EYS: variants seen among roughly 807,000 people sequenced by gnomAD.
The protein encoded by EYS is EGF-like photoreceptor maintenance factor.
A neutral mutation model predicts 282.1 loss-of-function variants in EYS; 250 were observed. The ratio of observed to expected loss-of-function variants is 0.89; its 90% CI spans 0.80 to 0.98. The LOEUF is 0.98. EYS is among the 50% of genes least tolerant of loss of function. The pLI, the probability that EYS is intolerant of heterozygous loss-of-function variation, is 0.00. For synonymous variants in EYS, 1,355 were observed against 1,282.9 expected (o/e 1.06, Z -1.20); for missense variants, 4,016 against 3,709.0 (o/e 1.08, Z -2.15).
intron 7 of EYS, among the ~76,000 whole-genome samples, chr6:65,392,841 T>C (rs1481797740): frequency 1.3e-5 from 2 of 151,740 alleles, no homozygotes; most frequent in Non-Finnish European, 2.9e-5. Flanking sequence ...CAAAGGAATA[T>C]AAATCATGCT....
chr6:64,808,631 T>C (rs1264421565), intron 22 of EYS, among the ~76,000 whole-genome samples: 1 of 152,046 alleles, frequency 6.6e-6, no homozygotes, highest in Admixed American at 6.6e-5. Context: ...TTGGTAATTT[T>C]TTTTTTCTTT....
intron 19 of EYS, among the ~76,000 whole-genome samples, chr6:64,823,434 A>G (rs972241007): frequency 6.6e-6 from 1 of 151,970 alleles, no homozygotes; most frequent in African/African-American, 2.4e-5. Context: ...ACAGATAGAA[A>G]ACACCGAGAT....
intron 12 of EYS, among the ~76,000 whole-genome samples, chr6:65,247,166 T>C (rs541773864): frequency 6.6e-6 from 1 of 152,204 alleles, no homozygotes; most frequent in African/African-American, 2.4e-5. Flanking sequence ...CGGTCCATGA[T>C]AATCATCTTT....
At chr6:65,546,706 G>A (rs894010918) in intron 2 of EYS, among the ~76,000 whole-genome samples, 9 of 151,860 alleles carry the variant, frequency 5.9e-5, no homozygotes, top group Admixed American at 5.3e-4. Flanking sequence ...TGAGTAACTG[G>A]GATTACAGGC....
chr6:64,039,416 G>A (rs562100980), intron 33 of EYS, among the ~76,000 whole-genome samples: 7 of 152,182 alleles, frequency 4.6e-5, no homozygotes, highest in African/African-American at 1.4e-4. Flanking sequence ...TATTAGAAGC[G>A]GTATAGTACG....
At chr6:65,086,970 G>A (rs1435678811) in intron 12 of EYS, among the ~76,000 whole-genome samples, 1 of 151,736 alleles carries the variant, frequency 6.6e-6, no homozygotes, top group African/African-American at 2.4e-5. Context: ...CTACAGGTGC[G>A]TCCCACAACA....
At chr6:64,357,638 C>A (rs188581777) in intron 29 of EYS, among the ~76,000 whole-genome samples, 32 of 151,606 alleles carry the variant, frequency 2.1e-4, no homozygotes, top group Admixed American at 1.7e-3. Context: ...TGTTCTGATT[C>A]TAGTTATGTA....
At chr6:64,756,454 C>G (rs1323424667) in intron 22 of EYS, among the ~76,000 whole-genome samples, 1 of 152,062 alleles carries the variant, frequency 6.6e-6, no homozygotes, top group African/African-American at 2.4e-5. Flanking sequence ...AGCCATAATG[C>G]CTTATAGCCT....
chr6:64,970,659 T>C (rs185027320), intron 14 of EYS, among the ~76,000 whole-genome samples: 1 of 152,346 alleles, frequency 6.6e-6, no homozygotes, highest in Non-Finnish European at 1.5e-5. Context: ...AAAGTTCTTA[T>C]AGATTTTTCT....
rs568966190 is a variant in EYS at position 64,013,351 on chromosome 6, A to G, written c.6726-14168T>C. On this transcript the variant is annotated intron_variant, in intron 33 of 42. Transcript: ENST00000503581. ...AGCGCCTCTAAATGTGTAAATGCCC[A>G]GAATTCTCTTGTTTTCTTTAGCCGG... Among the ~76,000 whole-genome samples the G allele has an allele frequency of 2.0e-5, 3 of 152,314 alleles. No homozygotes were observed. In the East Asian group the frequency reaches 5.8e-4, roughly 29 times the overall value.
chr6:64,773,877 G>C (rs1460061727), intron 22 of EYS, among the ~76,000 whole-genome samples: 1 of 151,760 alleles, frequency 6.6e-6, no homozygotes, highest in Non-Finnish European at 1.5e-5. Context: ...CCATTCTGTA[G>C]GTTGTCTGTT....
chr6:64,446,304 C>G (rs929166827), intron 26 of EYS, among the ~76,000 whole-genome samples: 1 of 152,092 alleles, frequency 6.6e-6, no homozygotes, highest in African/African-American at 2.4e-5. Context: ...AATCAGGAAT[C>G]AATGAACCTT....
chr6:65,068,880 C>T (rs946097936), intron 12 of EYS, among the ~76,000 whole-genome samples: 2 of 151,964 alleles, frequency 1.3e-5, no homozygotes, highest in African/African-American at 4.8e-5. Context: ...ATTTATAAAC[C>T]TTTCTTAGAT....
At chr6:63,830,487 G>A (rs1771598990) in intron 36 of EYS, among the ~76,000 whole-genome samples, 1 of 152,084 alleles carries the variant, frequency 6.6e-6, no homozygotes, top group Non-Finnish European at 1.5e-5. Flanking sequence ...AAGATCAAAT[G>A]AATGAAATGA....
At chr6:65,413,949 T>C (rs1767128357) in intron 5 of EYS, among the ~76,000 whole-genome samples, 1 of 152,144 alleles carries the variant, frequency 6.6e-6, no homozygotes, top group South Asian at 2.1e-4. Context: ...ATATATTATA[T>C]AAGGATTTGT....
intron 33 of EYS, among the ~76,000 whole-genome samples, chr6:64,048,775 T>C (rs969542497): frequency 6.6e-6 from 1 of 152,242 alleles, no homozygotes; most frequent in African/African-American, 2.4e-5. Context: ...ATACTAAATA[T>C]TATCAACTTC....
At chr6:65,390,393 A>G (rs1255550924) in intron 7 of EYS, among the ~76,000 whole-genome samples, 1 of 151,424 alleles carries the variant, frequency 6.6e-6, no homozygotes, top group African/African-American at 2.4e-5. Flanking sequence ...AGAGAGAGAG[A>G]GAGGATACAG....
At chr6:64,038,996 G>A (rs1278506986) in intron 33 of EYS, among the ~76,000 whole-genome samples, 5 of 152,056 alleles carry the variant, frequency 3.3e-5, no homozygotes, top group Non-Finnish European at 5.9e-5. Flanking sequence ...TTGGAGACAG[G>A]GTTTCGCCAC....
At chr6:65,231,070 T>C (rs1176986070) in intron 12 of EYS, among the ~76,000 whole-genome samples, 1 of 141,756 alleles carries the variant, frequency 7.1e-6, no homozygotes, top group East Asian at 2.0e-4. Flanking sequence ...TATGTACTTT[T>C]ATATATATAT....
Sources: allele counts gnomAD v4.1 joint callset (sites outside exome capture counted in the v4.1 genomes callset), GRCh38; gene constraint gnomAD v4.1.1; transcripts MANE v1.5; gene names NCBI Gene and HGNC (gene_info 2026-07-23, HGNC 2026-07-21).